The following CTSH variants were observed in gnomAD, a reference collection of about 807,000 sequenced individuals.
The protein encoded by CTSH is pro-cathepsin H.
CTSH carries 52 observed loss-of-function variants against 56.3 expected under a neutral mutation model. The ratio of observed to expected loss-of-function variants is 0.92; its 90% CI spans 0.74 to 1.16. The LOEUF (loss-of-function observed/expected upper bound fraction) is 1.16, where lower values mean the gene tolerates loss of function less well. Among genes scored for constraint, CTSH ranks in the 50% most tolerant of loss-of-function variants. The pLI is 0.00. For missense variants in CTSH, 406 were observed against 424.5 expected, an observed-to-expected ratio of 0.96 and a Z score of 0.38; for synonymous variants, 174 against 155.7, an observed-to-expected ratio of 1.12 and a Z score of -0.88.
chr15:78,921,893 T>C lies in CTSH; in HGVS notation c.*237A>G, dbSNP rs1448889460. 5.5e-6 allele frequency: 3 copies of C among 543,850 alleles called. No homozygotes were observed. The highest frequency in any genetic ancestry group is 9.8e-6 in the Non-Finnish European group (3 of 305,626). The allele number at this position is 543,850 out of a possible 1,614,324, so 33.7% of individuals were successfully genotyped here. On this transcript the variant is annotated 3_prime_UTR_variant, in exon 12 of 12. Coordinates refer to ENST00000220166, the MANE Select transcript of CTSH (RefSeq NM_004390.5). ...ATATTCGTGGTCCATGTGGTTTGAG[T>C]CTGTTAAGAAGGACACTAAGGCACA...
At chr15:78,944,690 C>G in intron 1 of CTSH, 1 of 1,056,958 alleles carries the variant, frequency 9.5e-7, no homozygotes, top group Non-Finnish European at 1.3e-6. Flanking sequence ...CTCCTCTGGT[C>G]CTACAAGCCG....
At chr15:78,934,701 GGA>G (rs1292913164) in intron 5 of CTSH, 1 of 488,664 alleles carries the variant, frequency 2.0e-6, no homozygotes, top group African/African-American at 1.9e-5. Context: ...TGGCTCTGTA[GGA>G]GAGACCTGGG....
At chr15:78,940,403 G>A (rs1359121449) in intron 1 of CTSH, among the ~76,000 whole-genome samples, 1 of 152,042 alleles carries the variant, frequency 6.6e-6, no homozygotes, top group Non-Finnish European at 1.5e-5. Flanking sequence ...GGGCAACAAA[G>A]TGAGACCTCG....
chr15:78,929,287 A>G, intron 8 of CTSH, 125 bp downstream of exon 8: 1 of 762,782 alleles, frequency 1.3e-6, no homozygotes, highest in Non-Finnish European at 2.3e-6. Context: ...TGGAGAGAAC[A>G]GACAATTGTG....
In CTSH at chr15:78,932,605, C is replaced by A. The variant is rs1290386000; in HGVS notation, c.406-147G>T. On this transcript the variant is annotated intron_variant, in intron 5 of 11. Transcript: ENST00000220166. ...TACCAAGCCCTGTTCCAGATCCATT[C>A]ATTCTGAGCCTCGCAGGCCCTGTTC... 8 of 625,736 alleles carry A rather than the reference C, an allele frequency of 1.3e-5. No individual in the cohort carries two copies. The East Asian group carries it at 1.9e-4, about 15-fold the overall frequency. The allele number at this position is 625,736 out of a possible 1,614,324, so 38.8% of individuals were successfully genotyped here.
At chr15:78,932,153 T>A in intron 6 of CTSH, 1 of 1,028,826 alleles carries the variant, frequency 9.7e-7, no homozygotes, top group Non-Finnish European at 1.3e-6. Flanking sequence ...CAGATCCATC[T>A]AGGAATGAGC....
At chr15:78,937,708 G>C in intron 2 of CTSH, 6 of 1,369,668 alleles carry the variant, frequency 4.4e-6, no homozygotes, top group Non-Finnish European at 5.8e-6. Flanking sequence ...GGGCACTCCT[G>C]GACGCCACTG....
intron 1 of CTSH, among the ~76,000 whole-genome samples, chr15:78,940,551 AAAT>A (rs1443547482): frequency 6.6e-6 from 1 of 152,116 alleles, no homozygotes; most frequent in Non-Finnish European, 1.5e-5. Context: ...AAAAAAAAAA[AAAT>A]CTCTAAAAAT....
intron 1 of CTSH, among the ~76,000 whole-genome samples, chr15:78,940,982 A>C (rs946666840): frequency 1.3e-5 from 2 of 151,994 alleles, no homozygotes; most frequent in East Asian, 3.9e-4. Flanking sequence ...CAAAACAAAA[A>C]AGAGTCAGAT....
chr15:78,932,412 T>C lies in CTSH; in HGVS notation c.452A>G (p.Glu151Gly). Residue 151 changes from glutamate to glycine, a missense_variant, in exon 6 of 12, where the codon GAG becomes GGG. Transcript: ENST00000220166. ...TCCGGTTGCGATGGCGATCGCAGAC[T>C]CCAGGGCCCCAGTGGTGGAGAAAGT... ...CWTFSTTGAL[E>G]SAIAIATGKM... 2 of 1,614,106 alleles carry C rather than the reference T, an allele frequency of 1.2e-6. No homozygotes were observed. The highest frequency in any genetic ancestry group is 4.5e-5 in the East Asian group (2 of 44,880).
In CTSH at chr15:78,929,334, T is replaced by A. The variant is rs2054993928; in HGVS notation, c.630+78A>T. 5 of 1,086,906 alleles carry A rather than the reference T, an allele frequency of 4.6e-6. No homozygotes were observed. In the African/African-American group the frequency reaches 6.3e-5, roughly 14 times the overall value. The allele number at this position is 1,086,906 out of a possible 1,614,324, so 67.3% of individuals were successfully genotyped here. A position where few individuals can be genotyped will look rare whatever the true frequency, so the allele number is the denominator to read the frequency against. ...GGGAGGGAGGTGGGGGGAGAAGGGA[T>A]GTCTTCCAAGGCTGGGGAGGGAGTG... On this transcript the variant is annotated intron_variant, in intron 8 of 11. Transcript: ENST00000220166.
intron 9 of CTSH, chr15:78,927,442 A>G (rs951928413): frequency 1.9e-6 from 1 of 524,524 alleles, no homozygotes; most frequent in South Asian, 2.4e-5. Flanking sequence ...AATTGCTTGC[A>G]TTTTACAAGC....
intron 2 of CTSH, among the ~76,000 whole-genome samples, chr15:78,938,220 T>A (rs1038565614): frequency 1.3e-5 from 2 of 152,144 alleles, no homozygotes; most frequent in Non-Finnish European, 2.9e-5. Context: ...AATACAAAAA[T>A]TAGCCGGGCA....
In CTSH at chr15:78,939,150, C is replaced by G; in HGVS notation, c.113G>C (p.Trp38Ser). The G allele has an allele frequency of 6.3e-7, 1 of 1,595,650 alleles. No individual in the cohort carries two copies. Among genetic ancestry groups the G allele is most frequent in the Non-Finnish European group, 8.5e-7 (1 of 1,173,770 alleles). The change falls in exon 2 of 12, where the codon TGG becomes TCG. Residue 38 changes from tryptophan to serine, a missense_variant. By Grantham distance (177) the Trp-to-Ser change is radical (BLOSUM62 -3). Coordinates refer to ENST00000220166, the MANE Select transcript of CTSH (RefSeq NM_004390.5). ...NSLEKFHFKS[W>S]MSKHRKTYST... ...AAGTTGGGCACTGACCTTAGACATC[C>G]ATGACTTGAAGTGAAACTTCTCTGT...
Position 78,927,800 on chromosome 15 carries a change from G to A in CTSH, c.631-19C>T. ...AACCATCCTGTTGAGGATGCAAAGG[G>A]CATGAAATACAGGTTATGGACCCGA... On this transcript the variant is annotated intron_variant, in intron 8 of 11. Coordinates refer to ENST00000220166, the MANE Select transcript of CTSH (RefSeq NM_004390.5). The A allele has an allele frequency of 6.2e-7, 1 of 1,611,178 alleles. No homozygotes were observed. The highest frequency in any genetic ancestry group is 8.5e-7 in the Non-Finnish European group (1 of 1,177,316).
intron 9 of CTSH, chr15:78,926,346 G>A (rs2054903110): frequency 6.6e-6 from 1 of 152,368 alleles, no homozygotes. Flanking sequence ...AAGGCCTTGT[G>A]AGCCCAACAG....
At chr15:78,931,062 TTA>T in intron 7 of CTSH, among the ~76,000 whole-genome samples, 1 of 152,132 alleles carries the variant, frequency 6.6e-6, no homozygotes, top group Non-Finnish European at 1.5e-5. Flanking sequence ...GGCTGGGACT[TTA>T]GTGAGTTCAT....
At chr15:78,930,875 G>A (rs2055043756) in intron 7 of CTSH, among the ~76,000 whole-genome samples, 1 of 152,196 alleles carries the variant, frequency 6.6e-6, no homozygotes, top group Non-Finnish European at 1.5e-5. Flanking sequence ...TGTGCCAGGT[G>A]AGCAAAGACC....
rs763412943 is a variant in CTSH, at chr15:78,922,235, C to T, written c.933-30G>A. On this transcript the variant is annotated intron_variant, in intron 11 of 11. Transcript: ENST00000220166. ...GCAGAAAGAGGAGCTGAGGCCCGGCCGGCGGTCTCCCCACCACAGGCCTTT... is the reference window on the plus strand; with the variant it reads ...GCAGAAAGAGGAGCTGAGGCCCGGCTGGCGGTCTCCCCACCACAGGCCTTT... 82 of 1,547,440 alleles carry T rather than the reference C, an allele frequency of 5.3e-5. No homozygotes were observed. In the East Asian group the frequency reaches 6.0e-4, roughly 11 times the overall value.
Sources: gnomAD v4.1 joint callset for allele counts (sites outside exome capture counted in the v4.1 genomes callset) on GRCh38, gnomAD v4.1.1 for gene constraint, MANE v1.5 for transcripts, NCBI Gene and HGNC (gene_info 2026-07-23, HGNC 2026-07-21) for gene names.